IQCM: variants seen among roughly 807,000 people sequenced by gnomAD.
The protein encoded by IQCM is IQ domain-containing protein M.
A neutral mutation model predicts 57.6 loss-of-function variants in IQCM; 45 were observed. The observed-to-expected ratio is 0.78, with a 90% confidence interval of 0.62 to 1.00. The LOEUF (loss-of-function observed/expected upper bound fraction) is 1.00. IQCM is among the 50% of genes least tolerant of loss of function. The probability of loss-of-function intolerance (pLI) is 0.00; values close to 1 mark genes in which losing one functional copy is unlikely to be tolerated. For missense variants in IQCM, 468 were observed against 511.6 expected, an observed-to-expected ratio of 0.91 and a Z score of 0.82; for synonymous variants, 148 against 158.9, an observed-to-expected ratio of 0.93 and a Z score of 0.51.
chr4:149,661,708 G>T (rs11932049), intron 7 of IQCM, among the ~76,000 whole-genome samples: 2 of 151,738 alleles, frequency 1.3e-5, no homozygotes, highest in African/African-American at 2.4e-5. Context: ...GAATTTATAT[G>T]TTTCTTCTAT....
chr4:149,587,442 C>G (rs1249387606), intron 9 of IQCM, among the ~76,000 whole-genome samples: 1 of 151,750 alleles, frequency 6.6e-6, no homozygotes, highest in Non-Finnish European at 1.5e-5. Context: ...GCTCTAATCT[C>G]TCTCACAAAA....
At chr4:149,575,130 C>T (rs1751511692) in intron 9 of IQCM, among the ~76,000 whole-genome samples, 1 of 151,886 alleles carries the variant, frequency 6.6e-6, no homozygotes, top group Non-Finnish European at 1.5e-5. Context: ...GTTTTCTGTA[C>T]GTGCAGCCTT....
At chr4:149,801,860 A>G (rs998579526) in intron 2 of IQCM, among the ~76,000 whole-genome samples, 4 of 151,932 alleles carry the variant, frequency 2.6e-5, no homozygotes, top group African/African-American at 9.7e-5. Context: ...AGTCAAAAAT[A>G]ATTATACATT....
chr4:149,354,225 G>A (rs1022791763), intron 13 of IQCM, among the ~76,000 whole-genome samples: 3 of 147,654 alleles, frequency 2.0e-5, no homozygotes, highest in Admixed American at 6.8e-5. Context: ...TTAGCCGGGC[G>A]TAGTGGCGGG....
chr4:149,645,716 C>A (rs1758574265), intron 7 of IQCM, among the ~76,000 whole-genome samples: 1 of 109,334 alleles, frequency 9.1e-6, no homozygotes, highest in South Asian at 2.9e-4. Context: ...GATCCCTTGG[C>A]AAACTCATAG....
In IQCM at chr4:149,621,219, T is replaced by A; in HGVS notation, c.591A>T (p.Gly197=). Residue 197 remains glycine (G), a synonymous_variant, in exon 8 of 14, where the codon GGA becomes GGT. Coordinates refer to ENST00000636793, the MANE Select transcript of IQCM (RefSeq NM_001363507.2). ...AACGGAAAGACCTTGTCAGCACAAA[T>A]CCTCTCCAGTCATAGAATGCTTTGT... The part of the protein sequence containing the change: ...EPDKAFYDWR[G]FVLTRSFRLA... 8.1e-7 allele frequency: 1 copy of A among 1,231,464 alleles called. No individual in the cohort carries two copies. Among genetic ancestry groups the A allele is most frequent in the Non-Finnish European group, 1.0e-6 (1 of 987,346 alleles). The allele number at this position is 1,231,464 out of a possible 1,614,324, so 76.3% of individuals were successfully genotyped here. A position where few individuals can be genotyped will look rare whatever the true frequency, so the allele number is the denominator to read the frequency against.
intron 2 of IQCM, among the ~76,000 whole-genome samples, chr4:149,758,165 G>A (rs1188463526): frequency 3.3e-5 from 5 of 152,136 alleles, no homozygotes; most frequent in Admixed American, 1.3e-4. Context: ...TAGCAATAGT[G>A]TTATCAGATA....
chr4:149,780,546 T>TATATATATATATAA (rs59087898), intron 2 of IQCM, among the ~76,000 whole-genome samples: 31 of 150,976 alleles, frequency 2.1e-4, no homozygotes, highest in East Asian at 1.6e-3. Context: ...TATATATATA[T>TATATATATATATAA]AAAACATATT....
intron 3 of IQCM, among the ~76,000 whole-genome samples, chr4:149,739,928 T>C (rs1767298664): frequency 1.3e-5 from 2 of 152,200 alleles, no homozygotes; most frequent in African/African-American, 2.4e-5. Context: ...AGGTTCTACA[T>C]AGTTGCTCCA....
intron 12 of IQCM, among the ~76,000 whole-genome samples, chr4:149,490,187 TA>T (rs1385532566): frequency 6.6e-6 from 1 of 151,964 alleles, no homozygotes; most frequent in African/African-American, 2.4e-5. Flanking sequence ...TTATGATTCC[TA>T]AAATTCTTTA....
Position 149,686,467 on chromosome 4 carries a change from T to C in IQCM, c.387A>G (p.Gly129=), listed in dbSNP as rs1319897843. The change falls in exon 6 of 14, where the codon GGA becomes GGG. Residue 129 remains glycine (G), a splice_region_variant and synonymous_variant. Coordinates refer to ENST00000636793, the MANE Select transcript of IQCM (RefSeq NM_001363507.2). The part of the protein sequence containing the change: ...RCRPIDLITK[G]QVKLDKIMTI... ...TCATGATTTTATCCAATTTAACTTGTCCTGAAATTTTGTTAAAGTTTTAAT... is the reference window on the plus strand; with the variant it reads ...TCATGATTTTATCCAATTTAACTTGCCCTGAAATTTTGTTAAAGTTTTAAT... 6.6e-6 allele frequency: 8 copies of C among 1,215,880 alleles called. No homozygotes were observed. In the East Asian group the frequency reaches 1.9e-4, roughly 29 times the overall value. The allele number at this position is 1,215,880 out of a possible 1,614,324, so 75.3% of individuals were successfully genotyped here. A position where few individuals can be genotyped will look rare whatever the true frequency, so the allele number is the denominator to read the frequency against.
Position 149,813,322 on chromosome 4 carries a change from C to CA in IQCM, c.-49+1988dup, listed in dbSNP as rs534017661. On this transcript the variant is annotated intron_variant, in intron 2 of 13. Transcript: ENST00000636793. Reference sequence around the variant, plus strand: ...TTCTAGGGTAATATAAAATATTGAACAAATGTATCTAATGCATCTTTTTTT... The same window carrying CA: ...TTCTAGGGTAATATAAAATATTGAACAAAATGTATCTAATGCATCTTTTTTT... 6.6e-5 allele frequency among the ~76,000 whole-genome samples: 10 copies of CA among 151,994 alleles called. No individual in the cohort carries two copies. The South Asian group carries it at 2.1e-3, about 32-fold the overall frequency.
chr4:149,614,382 T>A (rs372379374), intron 8 of IQCM, among the ~76,000 whole-genome samples: 3 of 152,080 alleles, frequency 2.0e-5, no homozygotes, highest in East Asian at 3.9e-4. Flanking sequence ...TGATTATAGG[T>A]CCTTGCTTAT....
chr4:149,480,999 G>A (rs2149750251), intron 12 of IQCM, among the ~76,000 whole-genome samples: 1 of 152,234 alleles, frequency 6.6e-6, no homozygotes, highest in African/African-American at 2.4e-5. Context: ...GCATTTCTCT[G>A]ATGATCAGTG....
intron 5 of IQCM, among the ~76,000 whole-genome samples, chr4:149,699,935 C>A (rs944158604): frequency 5.3e-5 from 8 of 151,876 alleles, no homozygotes; most frequent in African/African-American, 1.9e-4. Flanking sequence ...CCTCTCTCTC[C>A]CTGCAGCGGA....
chr4:149,815,451 C>T (rs1383609269), intron 1 of IQCM, 103 bp from the exon 2 acceptor site: 1 of 151,816 alleles, frequency 6.6e-6, no homozygotes. Context: ...AATTTATAAA[C>T]ATAATTTTAT....
At chr4:149,485,720 T>C (rs1251441798) in intron 12 of IQCM, among the ~76,000 whole-genome samples, 2 of 152,078 alleles carry the variant, frequency 1.3e-5, no homozygotes, top group African/African-American at 4.8e-5. Flanking sequence ...GTGTCTTATT[T>C]AGTTTATTTG....
intron 7 of IQCM, among the ~76,000 whole-genome samples, chr4:149,650,404 GTT>G (rs35846638): frequency 0.2 from 27,108 of 132,344 alleles, 2,733 homozygotes; most frequent in Non-Finnish European, 0.27. Context: ...TAATTTCTGG[GTT>G]TTTTTTTTTT....
At chr4:149,401,049 A>G (rs1732585117) in intron 13 of IQCM, among the ~76,000 whole-genome samples, 2 of 151,812 alleles carry the variant, frequency 1.3e-5, no homozygotes, top group African/African-American at 4.8e-5. Flanking sequence ...CATTCACAAT[A>G]AATAATTTAA....
Sources: gnomAD v4.1 joint callset for allele counts (sites outside exome capture counted in the v4.1 genomes callset) on GRCh38, gnomAD v4.1.1 for gene constraint, MANE v1.5 for transcripts, NCBI Gene and HGNC (gene_info 2026-07-23, HGNC 2026-07-21) for gene names.